Variants in TMCC1 observed in about 807,000 individuals in gnomAD.
TMCC1 encodes the protein transmembrane and coiled-coil domain family 1.
A neutral mutation model predicts 52.4 loss-of-function variants in TMCC1; 15 were observed. The ratio of observed to expected loss-of-function variants is 0.29; its 90% CI spans 0.19 to 0.44. The LOEUF (loss-of-function observed/expected upper bound fraction) is 0.44. Among genes scored for constraint, TMCC1 ranks in the 20% least tolerant of loss-of-function variants. The probability of loss-of-function intolerance (pLI) is 1.00; values close to 1 mark genes in which losing one functional copy is unlikely to be tolerated. For synonymous variants in TMCC1, 279 were observed against 301.9 expected (o/e 0.92, Z 0.79); for missense variants, 503 against 806.0 (o/e 0.62, Z 4.55).
At chr3:129,806,218 C>T (rs2057455954) in intron 4 of TMCC1, among the ~76,000 whole-genome samples, 2 of 152,074 alleles carry the variant, frequency 1.3e-5, no homozygotes, top group South Asian at 4.2e-4. Flanking sequence ...TATCTTGGCT[C>T]TCTACTAAAA....
At chr3:129,725,272 C>G (rs1198116726) in intron 4 of TMCC1, among the ~76,000 whole-genome samples, 1 of 152,106 alleles carries the variant, frequency 6.6e-6, no homozygotes, top group Non-Finnish European at 1.5e-5. Flanking sequence ...TGCCACCACA[C>G]CCACTAATTT....
chr3:129,741,012 C>G (rs957720601), intron 4 of TMCC1, among the ~76,000 whole-genome samples: 3 of 152,132 alleles, frequency 2.0e-5, no homozygotes, highest in Non-Finnish European at 2.9e-5. Context: ...TGGAATTATA[C>G]CTTAAGCTTT....
At chr3:129,872,724 T>C (rs796714785) in intron 2 of TMCC1, among the ~76,000 whole-genome samples, 25 of 152,024 alleles carry the variant, frequency 1.6e-4, no homozygotes, top group African/African-American at 5.3e-4. Context: ...AGGGGAAAAA[T>C]GTGGGTCCTA....
intron 2 of TMCC1, among the ~76,000 whole-genome samples, chr3:129,846,733 CT>C (rs2059680707): frequency 6.6e-6 from 1 of 151,782 alleles, no homozygotes; most frequent in African/African-American, 2.4e-5. Context: ...ACATTTATGA[CT>C]TTGAAGAATG....
intron 4 of TMCC1, among the ~76,000 whole-genome samples, chr3:129,799,671 G>T (rs577296829): frequency 1.4e-4 from 22 of 152,142 alleles, no homozygotes; most frequent in African/African-American, 4.6e-4. Context: ...AATTGGCTGG[G>T]CGTGGTGGTG....
intron 4 of TMCC1, among the ~76,000 whole-genome samples, chr3:129,762,163 G>A (rs961893028): frequency 1.3e-5 from 2 of 151,548 alleles, no homozygotes; most frequent in East Asian, 2.0e-4. Context: ...TCAGTGTCCC[G>A]AGTAGCTGGG....
chr3:129,726,868 C>A (rs1576597952), intron 4 of TMCC1, among the ~76,000 whole-genome samples: 8 of 12,818 alleles, frequency 6.2e-4, no homozygotes, highest in East Asian at 4.0e-3. Context: ...GACTCTGTCT[C>A]AAAAAAAAAA....
chr3:129,695,664 G>C lies in TMCC1; in HGVS notation c.577-24400C>G, dbSNP rs575767217. 2.3e-4 allele frequency among the ~76,000 whole-genome samples: 35 copies of C among 152,234 alleles called. No individual in the cohort carries two copies. The South Asian group carries it at 7.3e-3, about 32-fold the overall frequency. On this transcript the variant is annotated intron_variant, in intron 4 of 6. Coordinates refer to ENST00000393238, the MANE Select transcript of TMCC1 (RefSeq NM_001017395.5). ...CCCGTGATTAAATTACCTCCCACCA[G>C]GTCCCTCCAACAACACATGGGGATT... is the stretch of plus-strand genomic sequence containing the variant.
At chr3:129,760,494 G>GTGTGTT (rs1491495500) in intron 4 of TMCC1, among the ~76,000 whole-genome samples, 4 of 145,088 alleles carry the variant, frequency 2.8e-5, no homozygotes, top group Admixed American at 6.8e-5. Flanking sequence ...GTGTGTGTGT[G>GTGTGTT]TTTTTGAGAC....
chr3:129,778,435 G>C (rs1298491597), intron 4 of TMCC1, among the ~76,000 whole-genome samples: 1 of 152,178 alleles, frequency 6.6e-6, no homozygotes, highest in Non-Finnish European at 1.5e-5. Context: ...TGAAATAAGG[G>C]TAATGATACT....
chr3:129,739,578 G>C (rs551579389), intron 4 of TMCC1, among the ~76,000 whole-genome samples: 91 of 152,262 alleles, frequency 6.0e-4, no homozygotes, highest in African/African-American at 2.1e-3. Context: ...TAGCTTTCTG[G>C]TAACCTGACT....
intron 4 of TMCC1, among the ~76,000 whole-genome samples, chr3:129,681,357 T>C (rs1438744348): frequency 3.9e-5 from 6 of 152,108 alleles, no homozygotes; most frequent in Non-Finnish European, 7.4e-5. Context: ...AGGGAAAGTA[T>C]AGGAATACTC....
At chr3:129,751,585 C>CA (rs374029367) in intron 4 of TMCC1, among the ~76,000 whole-genome samples, 1 of 150,830 alleles carries the variant, frequency 6.6e-6, no homozygotes, top group African/African-American at 2.4e-5. Context: ...CCCTCCGAGA[C>CA]AGAGTCTTGC....
intron 4 of TMCC1, among the ~76,000 whole-genome samples, chr3:129,823,664 A>T (rs1047223012): frequency 2.6e-5 from 4 of 152,220 alleles, no homozygotes; most frequent in African/African-American, 9.6e-5. Flanking sequence ...ACAGTCTGCA[A>T]TAGTAATTAC....
chr3:129,871,258 G>T (rs1308699870), intron 2 of TMCC1, among the ~76,000 whole-genome samples: 2 of 151,114 alleles, frequency 1.3e-5, no homozygotes, highest in Non-Finnish European at 2.9e-5. Flanking sequence ...ACTTGGGAGG[G>T]TGAGGCAGGA....
intron 4 of TMCC1, among the ~76,000 whole-genome samples, chr3:129,677,098 TA>T (rs550686592): frequency 6.0e-3 from 847 of 140,832 alleles, no homozygotes; most frequent in Middle Eastern, 7.5e-3. Context: ...ACCCTGTCTC[TA>T]AAAAAAAAAA....
intron 4 of TMCC1, among the ~76,000 whole-genome samples, chr3:129,775,802 A>G (rs2054989588): frequency 6.6e-6 from 1 of 152,200 alleles, no homozygotes; most frequent in Non-Finnish European, 1.5e-5. Flanking sequence ...GCAAGGCATC[A>G]TTATCTCCCT....
intron 2 of TMCC1, among the ~76,000 whole-genome samples, chr3:129,856,672 G>T (rs1019871359): frequency 1.3e-5 from 2 of 152,150 alleles, no homozygotes; most frequent in Non-Finnish European, 2.9e-5. Flanking sequence ...AGATTAAGTG[G>T]CCTTGGGCTT....
intron 2 of TMCC1, among the ~76,000 whole-genome samples, chr3:129,854,011 T>A (rs550358351): frequency 5.1e-4 from 77 of 152,288 alleles, no homozygotes; most frequent in African/African-American, 1.6e-3. Context: ...CCATTACCTA[T>A]CACATGGACA....
Sources: allele counts gnomAD v4.1 joint callset (sites outside exome capture counted in the v4.1 genomes callset), GRCh38; gene constraint gnomAD v4.1.1; transcripts MANE v1.5; gene names NCBI Gene and HGNC (gene_info 2026-07-23, HGNC 2026-07-21).